Variants in IMMP2L observed in about 807,000 individuals in gnomAD.
IMMP2L encodes inner mitochondrial membrane peptidase subunit 2, also known as mitochondrial inner membrane protease subunit 2.
Under a neutral mutation model 19.3 loss-of-function variants are expected in IMMP2L, and 18 were observed. The observed-to-expected ratio is 0.93, with a 90% CI of 0.64 to 1.38. The LOEUF (loss-of-function observed/expected upper bound fraction) is 1.38, where lower values mean the gene tolerates loss of function less well. IMMP2L is among the 40% of genes most tolerant of loss of function. The pLI is 0.00. For synonymous variants in IMMP2L, 76 were observed against 73.0 expected (o/e 1.04, Z -0.21); for missense variants, 233 against 218.2 (o/e 1.07, Z -0.43).
intron 3 of IMMP2L, among the ~76,000 whole-genome samples, chr7:110,983,870 CTG>C (rs1215665443): frequency 6.6e-6 from 1 of 151,960 alleles, no homozygotes; most frequent in Non-Finnish European, 1.5e-5. Context: ...TTTTTAAGCT[CTG>C]TAGATTTTCA....
At chr7:111,489,714 G>C (rs543860354) in intron 2 of IMMP2L, among the ~76,000 whole-genome samples, 24 of 152,194 alleles carry the variant, frequency 1.6e-4, no homozygotes, top group African/African-American at 4.3e-4. Context: ...AAAAATACTG[G>C]TTATCCTTGA....
chr7:110,917,543 T>G (rs1813745766), intron 4 of IMMP2L, among the ~76,000 whole-genome samples: 1 of 152,118 alleles, frequency 6.6e-6, no homozygotes, highest in Admixed American at 6.6e-5. Context: ...GAAACAGAAC[T>G]AGGATTCAAT....
chr7:110,684,404 T>A (rs995450716), intron 5 of IMMP2L, among the ~76,000 whole-genome samples: 1 of 152,082 alleles, frequency 6.6e-6, no homozygotes. Flanking sequence ...AGCAATGTTA[T>A]AAATTACCTT....
intron 3 of IMMP2L, among the ~76,000 whole-genome samples, chr7:110,990,187 G>T (rs1391750476): frequency 6.6e-6 from 1 of 152,070 alleles, no homozygotes; most frequent in African/African-American, 2.4e-5. Flanking sequence ...TATCCTTAAT[G>T]CTTTGTAACT....
chr7:111,304,930 C>T lies in IMMP2L; in HGVS notation c.239+182308G>A, dbSNP rs569256410. Among the ~76,000 whole-genome samples, 15 of 152,004 alleles carry T rather than the reference C, an allele frequency of 9.9e-5. No homozygotes were observed. In the South Asian group the frequency reaches 2.9e-3, roughly 29 times the overall value. ...CTTGACACTGATCAAAGGAAAGTCT[C>T]GGAAATAAGAATTTGAAAGTATAAT... is the stretch of plus-strand genomic sequence containing the variant. On this transcript the variant is annotated intron_variant, in intron 3 of 5. Coordinates refer to ENST00000405709, the MANE Select transcript of IMMP2L (RefSeq NM_032549.4).
At chr7:111,157,138 T>C (rs772564242) in intron 3 of IMMP2L, among the ~76,000 whole-genome samples, 8 of 152,028 alleles carry the variant, frequency 5.3e-5, no homozygotes, top group Non-Finnish European at 7.4e-5. Context: ...GAATGTAAAT[T>C]AGTACCGCCA....
rs148556966 is a variant in IMMP2L, at chr7:111,546,012, T to C, written c.-3+15839A>G. 2.7e-3 allele frequency among the ~76,000 whole-genome samples: 408 copies of C among 152,220 alleles called. 6 individuals carry two copies. Among genetic ancestry groups the C allele is most frequent in the African/African-American group, 9.3e-3 (385 of 41,560 alleles). ...CATTGTTCTGCATTTTCCTTTTTGA[T>C]TTACTACATCCTGAAGATTATTACA... On this transcript the variant is annotated intron_variant, in intron 1 of 5. Transcript: ENST00000405709.
At chr7:110,985,483 C>G (rs1251629461) in intron 3 of IMMP2L, among the ~76,000 whole-genome samples, 1 of 152,024 alleles carries the variant, frequency 6.6e-6, no homozygotes, top group Non-Finnish European at 1.5e-5. Context: ...GTTGGTGTCA[C>G]AAATCAGGAA....
At chr7:111,242,977 G>T (rs1815298764) in intron 3 of IMMP2L, among the ~76,000 whole-genome samples, 2 of 151,988 alleles carry the variant, frequency 1.3e-5, no homozygotes, top group South Asian at 4.1e-4. Flanking sequence ...TACCAGGGAA[G>T]AAAAAGGAGA....
intron 3 of IMMP2L, chr7:111,097,022 TCCAGGAGGTG>T (rs1797473538): frequency 1.3e-5 from 2 of 151,866 alleles, no homozygotes; most frequent in African/African-American, 4.8e-5. Flanking sequence ...ACGCTTTACT[TCCAGGAGGTG>T]AAGCATTCCA....
At chr7:111,462,967 C>G (rs1840273963) in intron 3 of IMMP2L, among the ~76,000 whole-genome samples, 2 of 152,036 alleles carry the variant, frequency 1.3e-5, no homozygotes, top group South Asian at 4.2e-4. Flanking sequence ...TAACATAATA[C>G]CAAACACGAG....
chr7:111,394,214 T>C (rs899151909), intron 3 of IMMP2L, among the ~76,000 whole-genome samples: 1 of 152,100 alleles, frequency 6.6e-6, no homozygotes, highest in Non-Finnish European at 1.5e-5. Flanking sequence ...ATAAAATAAA[T>C]GACACAAAGA....
chr7:111,405,651 A>C (rs1005582315), intron 3 of IMMP2L, among the ~76,000 whole-genome samples: 1 of 152,044 alleles, frequency 6.6e-6, no homozygotes, highest in Non-Finnish European at 1.5e-5. Context: ...ACATTCTCTG[A>C]GTTTCCCTCC....
chr7:110,917,733 A>G, intron 4 of IMMP2L, among the ~76,000 whole-genome samples: 1 of 152,238 alleles, frequency 6.6e-6, no homozygotes, highest in East Asian at 1.9e-4. Context: ...CTACATTTTT[A>G]AAAATCTCTG....
chr7:111,313,293 C>A (rs752162618), intron 3 of IMMP2L, among the ~76,000 whole-genome samples: 6 of 152,072 alleles, frequency 3.9e-5, no homozygotes, highest in Non-Finnish European at 7.4e-5. Context: ...TCAAGATTGC[C>A]TTGCTTTGGC....
At chr7:111,559,961 A>G (rs545510410) in intron 1 of IMMP2L, among the ~76,000 whole-genome samples, 10 of 152,206 alleles carry the variant, frequency 6.6e-5, no homozygotes, top group Admixed American at 2.0e-4. Context: ...AGCCAAGAAG[A>G]AGGAGAAAAA....
intron 3 of IMMP2L, among the ~76,000 whole-genome samples, chr7:111,029,261 G>A (rs190038206): frequency 1.3e-5 from 2 of 152,264 alleles, no homozygotes; most frequent in Admixed American, 1.3e-4. Context: ...TGGTCAAACA[G>A]AGAATTACAT....
intron 3 of IMMP2L, among the ~76,000 whole-genome samples, chr7:111,227,924 A>G (rs575188295): frequency 1.3e-5 from 2 of 152,270 alleles, no homozygotes; most frequent in African/African-American, 4.8e-5. Flanking sequence ...AACCACTTCT[A>G]CTATTAATCT....
chr7:111,042,261 C>T (rs534786598), intron 3 of IMMP2L, among the ~76,000 whole-genome samples: 1 of 152,070 alleles, frequency 6.6e-6, no homozygotes, highest in Non-Finnish European at 1.5e-5. Flanking sequence ...CTCACTGAAA[C>T]CTCTGCCTCC....
Sources: gnomAD v4.1 joint callset for allele counts (sites outside exome capture counted in the v4.1 genomes callset) on GRCh38, gnomAD v4.1.1 for gene constraint, MANE v1.5 for transcripts, NCBI Gene and HGNC (gene_info 2026-07-23, HGNC 2026-07-21) for gene names.